NEGR1: variants seen among roughly 807,000 people sequenced by gnomAD.
NEGR1 encodes the protein neuronal growth regulator 1, also known as IgLON family member 4.
A neutral mutation model predicts 40.9 loss-of-function variants in NEGR1; 10 were observed. The observed-to-expected ratio is 0.24, with a 90% CI of 0.15 to 0.42. The LOEUF (loss-of-function observed/expected upper bound fraction) is 0.42. Ranked by LOEUF, NEGR1 falls within the 10% of genes least tolerant of loss-of-function variation. The probability of loss-of-function intolerance (pLI) is 1.00; values close to 1 mark genes in which losing one functional copy is unlikely to be tolerated. For synonymous variants in NEGR1, 185 were observed against 166.8 expected (o/e 1.11, Z -0.84); for missense variants, 352 against 438.9 (o/e 0.80, Z 1.77).
At chr1:72,143,577 T>G (rs918074866) in intron 1 of NEGR1, among the ~76,000 whole-genome samples, 1 of 151,700 alleles carries the variant, frequency 6.6e-6, no homozygotes, top group Non-Finnish European at 1.5e-5. Flanking sequence ...TAAATGTGTG[T>G]AATTTGCAAA....
chr1:72,199,267 G>A (rs1653116175), intron 1 of NEGR1, among the ~76,000 whole-genome samples: 1 of 151,808 alleles, frequency 6.6e-6, no homozygotes, highest in Admixed American at 6.6e-5. Flanking sequence ...CTACTCTGGG[G>A]GGGGTGCCAT....
intron 2 of NEGR1, among the ~76,000 whole-genome samples, chr1:71,924,907 T>A (rs1645758160): frequency 6.6e-6 from 1 of 151,986 alleles, no homozygotes; most frequent in Non-Finnish European, 1.5e-5. Flanking sequence ...TTTCTTATTA[T>A]GTCAGCATTC....
intron 3 of NEGR1, among the ~76,000 whole-genome samples, chr1:71,754,823 CT>C (rs1655680572): frequency 6.6e-6 from 1 of 152,190 alleles, no homozygotes; most frequent in South Asian, 2.1e-4. Context: ...CTAAACCCCT[CT>C]CCTCTCTGAG....
chr1:71,565,899 G>A (rs1426339810), intron 6 of NEGR1, among the ~76,000 whole-genome samples: 3 of 151,942 alleles, frequency 2.0e-5, no homozygotes, highest in African/African-American at 4.8e-5. Context: ...GCTGATCTAT[G>A]TCCACATGTA....
At chr1:71,985,667 T>A (rs1374714703) in intron 1 of NEGR1, among the ~76,000 whole-genome samples, 3 of 152,216 alleles carry the variant, frequency 2.0e-5, no homozygotes, top group Non-Finnish European at 2.9e-5. Context: ...ATTATATATG[T>A]ACACAATTTT....
At chr1:71,485,368 A>C in intron 6 of NEGR1, among the ~76,000 whole-genome samples, 1 of 151,588 alleles carries the variant, frequency 6.6e-6, no homozygotes, top group Non-Finnish European at 1.5e-5. Flanking sequence ...CTATGCATAG[A>C]ATCCCCGATT....
At chr1:71,790,445 C>A (rs1405023630) in intron 2 of NEGR1, among the ~76,000 whole-genome samples, 1 of 151,964 alleles carries the variant, frequency 6.6e-6, no homozygotes, top group Non-Finnish European at 1.5e-5. Flanking sequence ...TGCCATTAGA[C>A]GCCAGACAGA....
At chr1:71,773,250 G>T (rs116721371) in intron 3 of NEGR1, among the ~76,000 whole-genome samples, 3,747 of 152,216 alleles carry the variant, frequency 0.025, 67 homozygotes, top group Non-Finnish European at 0.037. Flanking sequence ...ATTACCATGG[G>T]CATTGCTAAA....
At chr1:72,029,582 G>A (rs1356920389) in intron 1 of NEGR1, among the ~76,000 whole-genome samples, 1 of 152,170 alleles carries the variant, frequency 6.6e-6, no homozygotes, top group Non-Finnish European at 1.5e-5. Flanking sequence ...CCTACAGAAT[G>A]TAAGCATATT....
chr1:71,812,688 A>T (rs1197637443), intron 2 of NEGR1, among the ~76,000 whole-genome samples: 2 of 152,068 alleles, frequency 1.3e-5, no homozygotes, highest in Admixed American at 6.6e-5. Context: ...GGCTGCATCA[A>T]TGTCTTATTT....
intron 6 of NEGR1, among the ~76,000 whole-genome samples, chr1:71,436,967 C>T (rs754330996): frequency 1.3e-5 from 2 of 152,120 alleles, no homozygotes; most frequent in Non-Finnish European, 2.9e-5. Context: ...TTTTCACCTG[C>T]ATAGGGGCTT....
chr1:72,123,967 T>C (rs1040356266), intron 1 of NEGR1, among the ~76,000 whole-genome samples: 2 of 152,076 alleles, frequency 1.3e-5, no homozygotes, highest in Non-Finnish European at 2.9e-5. Flanking sequence ...TAAGCAATAA[T>C]GTTCTTTTAG....
intron 1 of NEGR1, among the ~76,000 whole-genome samples, chr1:72,092,296 A>G (rs1408751781): frequency 6.6e-6 from 1 of 152,142 alleles, no homozygotes; most frequent in African/African-American, 2.4e-5. Flanking sequence ...AAAGTTTAAT[A>G]GCAACTTTCA....
chr1:71,575,150 T>C (rs948270069), intron 6 of NEGR1, among the ~76,000 whole-genome samples: 1 of 152,148 alleles, frequency 6.6e-6, no homozygotes, highest in Non-Finnish European at 1.5e-5. Flanking sequence ...AATATACATA[T>C]CTCTGCTAAG....
chr1:71,837,501 TA>T (rs1296676853), intron 2 of NEGR1, among the ~76,000 whole-genome samples: 3 of 152,108 alleles, frequency 2.0e-5, no homozygotes, highest in Admixed American at 2.0e-4. Context: ...TTGTTGATGT[TA>T]AATACATTCA....
At chr1:71,898,997 T>TGC (rs67746836) in intron 2 of NEGR1, among the ~76,000 whole-genome samples, 4 of 79,058 alleles carry the variant, frequency 5.1e-5, no homozygotes, top group South Asian at 4.0e-4. Context: ...TATATATATA[T>TGC]ATATATATAT....
chr1:72,271,969 T>C (rs1655860942), intron 1 of NEGR1, among the ~76,000 whole-genome samples: 5 of 151,922 alleles, frequency 3.3e-5, no homozygotes, highest in Admixed American at 3.3e-4. Context: ...TCACCAGCCA[T>C]GTGGAACTGT....
intron 5 of NEGR1, among the ~76,000 whole-genome samples, chr1:71,600,711 C>A (rs1418153532): frequency 6.6e-6 from 1 of 152,152 alleles, no homozygotes; most frequent in Non-Finnish European, 1.5e-5. Flanking sequence ...ATACAGGGGC[C>A]AGAATGTGAA....
At chr1:72,049,978 T>C (rs1403924057) in intron 1 of NEGR1, among the ~76,000 whole-genome samples, 1 of 151,568 alleles carries the variant, frequency 6.6e-6, no homozygotes, top group Non-Finnish European at 1.5e-5. Context: ...TGACATCTTT[T>C]GTTGATTTGT....
Sources: gnomAD v4.1 joint callset for allele counts (sites outside exome capture counted in the v4.1 genomes callset) on GRCh38, gnomAD v4.1.1 for gene constraint, MANE v1.5 for transcripts, NCBI Gene and HGNC (gene_info 2026-07-23, HGNC 2026-07-21) for gene names.